Variants in TTN observed in about 807,000 individuals in gnomAD.
The protein encoded by TTN is titin, also known as connectin.
TTN carries 1,525 observed loss-of-function variants against 3,223.0 expected under a neutral mutation model. The observed-to-expected ratio is 0.47, with a 90% CI of 0.45 to 0.49. TTN has a LOEUF of 0.49. Among genes scored for constraint, TTN ranks in the 20% least tolerant of loss-of-function variants. The pLI, the probability that TTN is intolerant of heterozygous loss-of-function variation, is 0.00. For synonymous variants in TTN, 14,094 were observed against 15,161.0 expected (o/e 0.93, Z 5.17); for missense variants, 40,786 against 43,424.0 (o/e 0.94, Z 5.40).
intron 142 of TTN, 72 bp downstream of exon 142, chr2:178,679,267 G>T: frequency 1.3e-6 from 2 of 1,501,012 alleles, no homozygotes; most frequent in Non-Finnish European, 9.2e-7. Flanking sequence ...GGAAAGATCT[G>T]CTATGGCTCA....
At chr2:178,781,061 A>G in intron 21 of TTN, 60 bp downstream of exon 21, 2 of 1,610,878 alleles carry the variant, frequency 1.2e-6, no homozygotes, top group Non-Finnish European at 1.7e-6. Flanking sequence ...AACGGACAGC[A>G]CTGCTATCTC....
intron 213 of TTN, among the ~76,000 whole-genome samples, chr2:178,647,974 T>C (rs960105314): frequency 6.6e-6 from 1 of 152,126 alleles, no homozygotes; most frequent in African/African-American, 2.4e-5. Context: ...GTTTTGATAA[T>C]GGTCAGAGGC....
chr2:178,683,236 TG>T lies in TTN; in HGVS notation c.32861del (p.Pro10954GlnfsTer11). ...VKEEKVSIEAPKREPQPIKEV... is the reference protein window; with the variant it reads ...VKEEKVSIEAXKREPQPIKEV... ...CTTTGATGGGTTGAGGTTCTCTTTT[TG>T]GAGCTTCAATTGATACTTTTTCTTC... On this transcript the variant is annotated frameshift_variant, in exon 134 of 363. Transcript: ENST00000589042. LOFTEE classifies it high-confidence loss of function. 1 of 1,552,996 alleles carries T rather than the reference TG, an allele frequency of 6.4e-7. No homozygotes were observed.
In TTN at chr2:178,550,240, A is replaced by G. The variant is rs1427348681; in HGVS notation, c.91598T>C (p.Phe30533Ser). 3 of 1,613,212 alleles carry G rather than the reference A, an allele frequency of 1.9e-6. No homozygotes were observed. Among genetic ancestry groups the G allele is most frequent in the African/African-American group, 1.3e-5 (1 of 74,886 alleles). Residue 30533 changes from phenylalanine to serine, a missense_variant, in exon 337 of 363, where the codon TTT becomes TCT. Phe to Ser is a radical substitution (Grantham distance 155). Coordinates refer to ENST00000589042, the MANE Select transcript of TTN (RefSeq NM_001267550.2). ...PPIVEFGPEY[F>S]DGLIIKSGES... ...TCCGGACTTAATAATGAGACCATCA[A>G]AGTATTCAGGGCCAAACTCTACTAT...
intron 9 of TTN, among the ~76,000 whole-genome samples, chr2:178,793,102 C>T (rs1249919365): frequency 6.6e-6 from 1 of 152,202 alleles, no homozygotes; most frequent in Admixed American, 6.5e-5. Context: ...CTGGTTTTAG[C>T]CATCTGTCCT....
chr2:178,782,451 T>A, intron 19 of TTN, 24 bp from the exon 20 acceptor site: 1 of 1,613,990 alleles, frequency 6.2e-7, no homozygotes, highest in Non-Finnish European at 8.5e-7. Context: ...TCCCCTCATA[T>A]TAGCTTCCGG....
chr2:178,759,593 C>T (rs2088416533), intron 43 of TTN, among the ~76,000 whole-genome samples: 1 of 152,130 alleles, frequency 6.6e-6, no homozygotes, highest in African/African-American at 2.4e-5. Flanking sequence ...GAAAAATCTC[C>T]ACTTTTGGTT....
rs876657601 is a variant in TTN, at chr2:178,709,666, C to T, written c.28653G>A (p.Leu9551=). The T allele has an allele frequency of 1.9e-6, 3 of 1,613,788 alleles. No homozygotes were observed. Among genetic ancestry groups the T allele is most frequent in the Non-Finnish European group, 2.5e-6 (3 of 1,179,824 alleles). ...CGTTCATGCCTGCTTTCCTGACTTG[C>T]AGCACTAACGTGTTGTTCTTGAATG... ...EITFKNNTLV[L]QVRKAGMNDA... The change falls in exon 99 of 363, where the codon CTG becomes CTA. Residue 9551 remains leucine, a synonymous_variant. Coordinates refer to ENST00000589042, the MANE Select transcript of TTN (RefSeq NM_001267550.2).
chr2:178,641,883 G>A (rs1439211582), intron 219 of TTN, among the ~76,000 whole-genome samples: 3 of 151,898 alleles, frequency 2.0e-5, no homozygotes, highest in East Asian at 1.9e-4. Context: ...TTGAATTTAA[G>A]CTAAAGTAGT....
intron 159 of TTN, 76 bp downstream of exon 159, chr2:178,669,297 A>C: frequency 4.9e-6 from 6 of 1,228,128 alleles, no homozygotes; most frequent in Non-Finnish European, 5.6e-6. Flanking sequence ...TTACTTTTCA[A>C]AGCTAAAAAG....
chr2:178,588,177 G>A lies in TTN; in HGVS notation c.63230C>T (p.Thr21077Ile), dbSNP rs2049450214. 10 of 1,599,576 alleles carry A rather than the reference G, an allele frequency of 6.3e-6. No homozygotes were observed. Among genetic ancestry groups the A allele is most frequent in the Non-Finnish European group, 8.5e-6 (10 of 1,169,670 alleles). ...CCACCCAAGAGTTATGGAATGTTTG[G>A]TTGTATCAACCACTCTGAAATTGGT... ...PPTNFRVVDT[T>I]KHSITLGWGK... Residue 21077 changes from threonine (T) to isoleucine (I), a missense_variant, in exon 305 of 363, where the codon ACC (threonine) becomes ATC (isoleucine). By Grantham distance (89) the Thr-to-Ile change is moderately conservative (BLOSUM62 -1). Transcript: ENST00000589042.
rs570087924 is a variant in TTN at position 178,592,608 on chromosome 2, T to G, written c.59397A>C (p.Lys19799Asn). Residue 19799 changes from lysine (K) to asparagine (N), a missense_variant, in exon 301 of 363, where the codon AAA becomes AAC. Physicochemically the swap from Lys to Asn is moderately conservative, Grantham distance 94 (BLOSUM62 0). Coordinates refer to ENST00000589042, the MANE Select transcript of TTN (RefSeq NM_001267550.2). ...DANMAREQHI[K>N]VGDTLRLSAI... ...CACTAAGTCTTAGAGTATCACCAAC[T>G]TTAATGTGTTGTTCTCTTGCCATGT... 6.2e-7 allele frequency: 1 copy of G among 1,613,440 alleles called. No individual in the cohort carries two copies. The highest frequency in any genetic ancestry group is 2.2e-5 in the East Asian group (1 of 44,750).
chr2:178,534,688 A>G lies in TTN; in HGVS notation c.101927T>C (p.Phe33976Ser). 6.2e-7 allele frequency: 1 copy of G among 1,613,848 alleles called. No individual in the cohort carries two copies. The highest frequency in any genetic ancestry group is 8.5e-7 in the Non-Finnish European group (1 of 1,179,786). The change falls in exon 358 of 363, where the codon TTC becomes TCC. Residue 33976 changes from phenylalanine (F) to serine (S), a missense_variant. Phe to Ser is a radical substitution (Grantham distance 155). Coordinates refer to ENST00000589042, the MANE Select transcript of TTN (RefSeq NM_001267550.2). The part of the protein sequence containing the change: ...LKPGDNFRLL[F>S]TAPEYYAPEV... The stretch of plus-strand genomic sequence containing the variant: ...AGGTGCATAGTATTCTGGGGCAGTG[A>G]ATAGAAGCCTGAAGTTGTCCCCTGG...
Position 178,635,968 on chromosome 2 carries a change from A to G in TTN, c.41603T>C (p.Val13868Ala). The change falls in exon 226 of 363, where the codon GTA becomes GCA. Residue 13868 changes from valine (V) to alanine (A), a missense_variant. Coordinates refer to ENST00000589042, the MANE Select transcript of TTN (RefSeq NM_001267550.2). ...TCTCCCAGGAAAGTACTAACCTACT[A>G]CTTTTACGCAAGATGAACACTCCAG... is the stretch of plus-strand genomic sequence containing the variant. The part of the protein sequence containing the change: ...NNLECSSCVK[V>A]VEVIRDWLVK... 1 of 1,593,354 alleles carries G rather than the reference A, an allele frequency of 6.3e-7. No individual in the cohort carries two copies. The highest frequency in any genetic ancestry group is 8.6e-7 in the Non-Finnish European group (1 of 1,167,858).
intron 304 of TTN, 85 bp downstream of exon 304, chr2:178,588,453 G>A (rs2049520355): frequency 1.4e-6 from 2 of 1,392,962 alleles, no homozygotes. Context: ...TACAGATTTA[G>A]ATGTTACATT....
In TTN at chr2:178,677,335, CATATATATATATAT is replaced by C. The variant is rs61060584; in HGVS notation, c.34292-62_34292-49del. 21 of 251,902 alleles carry C rather than the reference CATATATATATATAT, an allele frequency of 8.3e-5. 5 individuals are homozygous for C. Among genetic ancestry groups the C allele is most frequent in the African/African-American group, 7.0e-4 (16 of 22,700 alleles). 15.6% of individuals were successfully genotyped at this position (251,902 alleles called of 1,614,324 possible). ...GCATTAAAAACCACATATACATGGT[CATATATATATATAT>C]ATATATATATATGAAAGAGACACGT... On this transcript the variant is annotated intron_variant, in intron 146 of 362. Transcript: ENST00000589042.
At position 178,554,200 on chromosome 2, in the gene TTN, T is replaced by C; in HGVS notation, c.88911A>G (p.Pro29637=). 1 of 1,600,888 alleles carries C rather than the reference T, an allele frequency of 6.2e-7. No individual in the cohort carries two copies. The highest frequency in any genetic ancestry group is 8.5e-7 in the Non-Finnish European group (1 of 1,174,692). Residue 29637 remains proline (P), a synonymous_variant, in exon 333 of 363, where the codon CCA becomes CCG. Transcript: ENST00000589042. ...TAATCTTTGTCACTTCTGGTATGCC[T>C]GGTGGCCCAGGTGTAACTATTTAGA... ...AKNAFVTPGP[P]GIPEVTKITK...
chr2:178,731,582 T>C lies in TTN; in HGVS notation c.17184A>G (p.Glu5728=), dbSNP rs200984007. 169 of 1,589,790 alleles carry C rather than the reference T, an allele frequency of 1.1e-4. No homozygotes were observed. Among genetic ancestry groups the C allele is most frequent in the Non-Finnish European group, 1.2e-4 (138 of 1,167,770 alleles). Residue 5728 remains glutamate, a splice_region_variant and synonymous_variant, in exon 59 of 363, where the codon GAA becomes GAG. Coordinates refer to ENST00000589042, the MANE Select transcript of TTN (RefSeq NM_001267550.2). ...SICSARVTLR[E]PPSFIKKIES... ...CGATCTTCTTTATGAAGGATGGGGG[T>C]TCTAACAGAAGAATGAATTCTCAAT... is the stretch of plus-strand genomic sequence containing the variant.
In TTN at chr2:178,542,822, A is replaced by G; in HGVS notation, c.97032T>C (p.Gly32344=). 5 of 1,613,738 alleles carry G rather than the reference A, an allele frequency of 3.1e-6. No individual in the cohort carries two copies. Among genetic ancestry groups the G allele is most frequent in the Non-Finnish European group, 3.4e-6 (4 of 1,179,758 alleles). The change falls in exon 348 of 363, where the codon GGT becomes GGC. Residue 32344 remains glycine (G), a synonymous_variant. Coordinates refer to ENST00000589042, the MANE Select transcript of TTN (RefSeq NM_001267550.2). ...PPPAASWFFA[G]SKLRESERVT... ...CACGCTCTGATTCTCTCAGTTTAGAACCAGCAAAGAACCAGGAAGCAGCAG... is the reference window on the plus strand; with the variant it reads ...CACGCTCTGATTCTCTCAGTTTAGAGCCAGCAAAGAACCAGGAAGCAGCAG...
Sources: gnomAD v4.1 joint callset for allele counts (sites outside exome capture counted in the v4.1 genomes callset) on GRCh38, gnomAD v4.1.1 for gene constraint, MANE v1.5 for transcripts, NCBI Gene and HGNC (gene_info 2026-07-23, HGNC 2026-07-21) for gene names.